Variants in BCL2 observed in about 807,000 individuals in gnomAD.
The protein encoded by BCL2 is BCL2 apoptosis regulator, also known as apoptosis regulator Bcl-2.
BCL2 carries 1 observed loss-of-function variant against 14.2 expected under a neutral mutation model. That is an observed-to-expected ratio of 0.07 (90% CI 0.02 to 0.33). BCL2 has a LOEUF of 0.33. Ranked by LOEUF, BCL2 falls within the 10% of genes least tolerant of loss-of-function variation. The pLI is 0.99. For synonymous variants in BCL2, 151 were observed against 137.2 expected (o/e 1.10, Z -0.70); for missense variants, 247 against 305.9 (o/e 0.81, Z 1.44).
At chr18:63,158,901 C>A (rs748635426) in intron 2 of BCL2, among the ~76,000 whole-genome samples, 1 of 152,146 alleles carries the variant, frequency 6.6e-6, no homozygotes, top group Non-Finnish European at 1.5e-5. Context: ...AAAAAAGGAT[C>A]TCTCTTGGGC....
intron 2 of BCL2, among the ~76,000 whole-genome samples, chr18:63,238,342 A>C (rs1910898100): frequency 6.6e-6 from 1 of 152,242 alleles, no homozygotes; most frequent in Non-Finnish European, 1.5e-5. Flanking sequence ...ATGGGACCGA[A>C]TCAGCAGCCG....
intron 2 of BCL2, among the ~76,000 whole-genome samples, chr18:63,198,355 CACAG>C (rs571309434): frequency 1.4e-3 from 212 of 150,920 alleles, no homozygotes; most frequent in African/African-American, 4.8e-3. Context: ...CAGAGACACA[CACAG>C]ACACACACTG....
intron 2 of BCL2, among the ~76,000 whole-genome samples, chr18:63,209,175 C>A (rs1027838432): frequency 6.6e-6 from 1 of 152,190 alleles, no homozygotes; most frequent in Non-Finnish European, 1.5e-5. Flanking sequence ...GGAGACCCGG[C>A]CTCCTCTTCA....
At chr18:63,159,843 G>A (rs192167239) in intron 2 of BCL2, among the ~76,000 whole-genome samples, 4 of 152,296 alleles carry the variant, frequency 2.6e-5, no homozygotes, top group East Asian at 1.9e-4. Context: ...AGATTTCCCC[G>A]CACAGTGGGG....
intron 2 of BCL2, among the ~76,000 whole-genome samples, chr18:63,150,805 C>T (rs563167606): frequency 3.1e-4 from 47 of 152,238 alleles, no homozygotes; most frequent in African/African-American, 1.0e-3. Flanking sequence ...AAATATTGGA[C>T]TATAACATAA....
chr18:63,225,603 C>T (rs762662128), intron 2 of BCL2, among the ~76,000 whole-genome samples: 2 of 152,156 alleles, frequency 1.3e-5, no homozygotes, highest in Non-Finnish European at 2.9e-5. Flanking sequence ...AGGATTATTT[C>T]CCTGAACGCT....
chr18:63,197,039 G>T (rs762977211), intron 2 of BCL2, among the ~76,000 whole-genome samples: 1 of 152,276 alleles, frequency 6.6e-6, no homozygotes, highest in Admixed American at 6.5e-5. Flanking sequence ...TCTTCTTCAC[G>T]TTTTGATTTC....
chr18:63,308,663 A>G (rs935664663), intron 2 of BCL2, among the ~76,000 whole-genome samples: 1 of 152,262 alleles, frequency 6.6e-6, no homozygotes, highest in Non-Finnish European at 1.5e-5. Context: ...TTTCAATTCA[A>G]TGAAAAGGAT....
intron 2 of BCL2, among the ~76,000 whole-genome samples, chr18:63,176,416 C>T (rs1915350225): frequency 1.3e-5 from 2 of 152,200 alleles, no homozygotes; most frequent in South Asian, 4.1e-4. Context: ...GGGTGTTTGC[C>T]TGCCTAGACC....
chr18:63,272,873 A>G (rs1175172688), intron 2 of BCL2, among the ~76,000 whole-genome samples: 1 of 152,206 alleles, frequency 6.6e-6, no homozygotes, highest in African/African-American at 2.4e-5. Flanking sequence ...GATATTTTTA[A>G]ATATAAAAGC....
intron 2 of BCL2, among the ~76,000 whole-genome samples, chr18:63,197,267 A>T (rs1397605284): frequency 6.6e-6 from 1 of 152,184 alleles, no homozygotes; most frequent in East Asian, 1.9e-4. Context: ...GACCACTGAC[A>T]AATCGTTCAC....
intron 2 of BCL2, among the ~76,000 whole-genome samples, chr18:63,247,076 T>C (rs183350177): frequency 4.9e-4 from 74 of 152,338 alleles, no homozygotes; most frequent in African/African-American, 1.6e-3. Context: ...ATGATTCCTA[T>C]TGAATTTTCT....
At chr18:63,267,466 G>T (rs1444589689) in intron 2 of BCL2, among the ~76,000 whole-genome samples, 1 of 152,174 alleles carries the variant, frequency 6.6e-6, no homozygotes, top group African/African-American at 2.4e-5. Context: ...AGGTGGGACA[G>T]AAGAAAGAAT....
chr18:63,297,498 G>A (rs538756964), intron 2 of BCL2, among the ~76,000 whole-genome samples: 12 of 152,324 alleles, frequency 7.9e-5, no homozygotes, highest in Non-Finnish European at 1.5e-4. Context: ...GGAGAGGGCA[G>A]GAGTAGATTT....
rs536296783 is a variant in BCL2 at position 63,299,647 on chromosome 18, C to T, written c.585+18435G>A. Among the ~76,000 whole-genome samples, 53 of 152,252 alleles carry T rather than the reference C, an allele frequency of 3.5e-4. 1 individual carries two copies. The South Asian group carries it at 9.3e-3, about 27-fold the overall frequency. ...TTGGAGAGCGAGCCTCCACTATCTT[C>T]CCGCTTCATCCCCTTCCATTCCATC... On this transcript the variant is annotated intron_variant, in intron 2 of 2. Coordinates refer to ENST00000333681, the MANE Select transcript of BCL2 (RefSeq NM_000633.3).
At chr18:63,287,421 T>C in intron 2 of BCL2, among the ~76,000 whole-genome samples, 1 of 152,100 alleles carries the variant, frequency 6.6e-6, no homozygotes, top group East Asian at 1.9e-4. Flanking sequence ...AGGATACCAA[T>C]CTATGACATT....
At chr18:63,133,644 A>G (rs1914132265) in intron 2 of BCL2, among the ~76,000 whole-genome samples, 1 of 152,096 alleles carries the variant, frequency 6.6e-6, no homozygotes, top group African/African-American at 2.4e-5. Context: ...AAAAGGTCAG[A>G]TTGTCAAGAA....
chr18:63,237,355 T>C (rs1019860802), intron 2 of BCL2, among the ~76,000 whole-genome samples: 11 of 152,162 alleles, frequency 7.2e-5, no homozygotes, highest in Non-Finnish European at 1.6e-4. Context: ...GTAGGAATTG[T>C]TAAATAATAG....
At chr18:63,209,286 C>T (rs915104694) in intron 2 of BCL2, among the ~76,000 whole-genome samples, 13 of 152,172 alleles carry the variant, frequency 8.5e-5, no homozygotes, top group African/African-American at 2.9e-4. Context: ...TTGTTCCCTT[C>T]ACCTAGAACT....
Sources: allele counts gnomAD v4.1 joint callset (sites outside exome capture counted in the v4.1 genomes callset), GRCh38; gene constraint gnomAD v4.1.1; transcripts MANE v1.5; gene names NCBI Gene and HGNC (gene_info 2026-07-23, HGNC 2026-07-21).